CSMD1: variants seen among roughly 807,000 people sequenced by gnomAD.
CSMD1 encodes CUB and Sushi multiple domains 1, also known as CUB and sushi domain-containing protein 1.
CSMD1 carries 213 observed loss-of-function variants against 417.5 expected under a neutral mutation model. The ratio of observed to expected loss-of-function variants is 0.51; its 90% CI spans 0.46 to 0.57. The LOEUF (loss-of-function observed/expected upper bound fraction) is 0.57, where lower values mean the gene tolerates loss of function less well. CSMD1 is among the 20% of genes least tolerant of loss of function. The probability of loss-of-function intolerance (pLI) is 0.00; values close to 1 mark genes in which losing one functional copy is unlikely to be tolerated. For missense variants in CSMD1, 6,923 were observed against 4,529.7 expected (o/e 1.53, Z -15.17); for synonymous variants, 2,862 against 1,736.8 (o/e 1.65, Z -16.11).
At position 4,296,284 on chromosome 8, in the gene CSMD1, G is replaced by A. The variant is rs184291794; in HGVS notation, c.415+123669C>T. Among the ~76,000 whole-genome samples the A allele has an allele frequency of 4.6e-5, 7 of 152,154 alleles. No individual in the cohort carries two copies. In the East Asian group the frequency reaches 7.7e-4, roughly 17 times the overall value. The stretch of plus-strand genomic sequence containing the variant: ...AGCACCAGAATTCAGAAGTGCCCAA[G>A]GCAGGAAGAATTATTTCGTCCCTGT... On this transcript the variant is annotated intron_variant, in intron 3 of 69. Transcript: ENST00000635120.
At chr8:3,957,068 G>A (rs779437009) in intron 5 of CSMD1, among the ~76,000 whole-genome samples, 33 of 152,088 alleles carry the variant, frequency 2.2e-4, no homozygotes, top group Non-Finnish European at 4.1e-4. Flanking sequence ...AGACAAAAAC[G>A]CCGGGGGAGG....
Position 3,708,315 on chromosome 8 carries a change from G to A in CSMD1, c.1009+99C>T, listed in dbSNP as rs1287559079. On this transcript the variant is annotated intron_variant, in intron 7 of 69. Transcript: ENST00000635120. ...ATATAGAAAAGAAGGAAGAGATAAC[G>A]TGGGGAAGGTGGTGGGTGGGATCGC... 3.2e-5 allele frequency: 28 copies of A among 884,312 alleles called. No homozygotes were observed. In the Admixed American group the frequency reaches 4.9e-4, roughly 15 times the overall value. The allele number at this position is 884,312 out of a possible 1,614,324, so 54.8% of individuals were successfully genotyped here.
rs539223685 is a variant in CSMD1 at position 4,791,090 on chromosome 8, G to C, written c.86-153532C>G. Among the ~76,000 whole-genome samples the C allele has an allele frequency of 2.0e-5, 3 of 147,906 alleles. No homozygotes were observed. The East Asian group carries it at 5.8e-4, about 29-fold the overall frequency. ...AGACGGTGAGAGAGACGGTGAGAGA[G>C]ACGGTGAGAAGAGACGGGGAGAAGA... On this transcript the variant is annotated intron_variant, in intron 1 of 69. Transcript: ENST00000635120.
chr8:3,852,591 C>T (rs2129100796), intron 5 of CSMD1, among the ~76,000 whole-genome samples: 1 of 152,202 alleles, frequency 6.6e-6, no homozygotes, highest in Non-Finnish European at 1.5e-5. Flanking sequence ...TTACTCGTGT[C>T]AGCTATCTCA....
At chr8:3,523,446 G>C (rs998339858) in intron 10 of CSMD1, among the ~76,000 whole-genome samples, 8 of 152,156 alleles carry the variant, frequency 5.3e-5, no homozygotes, top group African/African-American at 1.9e-4. Flanking sequence ...CTGAGCCCTA[G>C]AGAGAATAAG....
chr8:3,667,019 G>T (rs1798727769), intron 7 of CSMD1, among the ~76,000 whole-genome samples: 1 of 152,082 alleles, frequency 6.6e-6, no homozygotes, highest in Non-Finnish European at 1.5e-5. Flanking sequence ...AACCCTGAAG[G>T]CGCCAAGCTA....
intron 5 of CSMD1, among the ~76,000 whole-genome samples, chr8:3,863,841 C>A (rs1355906925): frequency 6.6e-6 from 1 of 151,754 alleles, no homozygotes. Context: ...TCAGAAAAAA[C>A]AGAGTTTAAT....
intron 3 of CSMD1, among the ~76,000 whole-genome samples, chr8:4,142,830 A>T (rs909972768): frequency 2.6e-5 from 4 of 151,160 alleles, no homozygotes; most frequent in Admixed American, 2.0e-4. Flanking sequence ...GAGGAAAATG[A>T]TTTCTTAAAT....
At chr8:4,063,115 C>G (rs1283239055) in intron 3 of CSMD1, among the ~76,000 whole-genome samples, 1 of 151,978 alleles carries the variant, frequency 6.6e-6, no homozygotes, top group Admixed American at 6.6e-5. Flanking sequence ...TTGACTATAG[C>G]TAATAATTTA....
At chr8:4,483,877 CA>C (rs1585148677) in intron 2 of CSMD1, among the ~76,000 whole-genome samples, 1 of 152,056 alleles carries the variant, frequency 6.6e-6, no homozygotes, top group African/African-American at 2.4e-5. Flanking sequence ...TAGAGTAAGT[CA>C]AAAATGAACC....
chr8:4,261,882 TA>T (rs1803912687), intron 3 of CSMD1, among the ~76,000 whole-genome samples: 1 of 152,178 alleles, frequency 6.6e-6, no homozygotes, highest in South Asian at 2.1e-4. Context: ...CAAAATGTGT[TA>T]AAAAGTAGAT....
intron 3 of CSMD1, among the ~76,000 whole-genome samples, chr8:4,241,822 T>C (rs1358369354): frequency 6.6e-6 from 1 of 152,042 alleles, no homozygotes; most frequent in African/African-American, 2.4e-5. Flanking sequence ...GCCATTCTCC[T>C]GTCTCAGCCT....
At chr8:4,576,116 C>A (rs1040713466) in intron 2 of CSMD1, among the ~76,000 whole-genome samples, 2 of 152,234 alleles carry the variant, frequency 1.3e-5, no homozygotes, top group Admixed American at 6.5e-5. Context: ...CTCTTTATTG[C>A]TAGCCTATCC....
At chr8:3,193,095 G>T (rs1796513751) in intron 33 of CSMD1, among the ~76,000 whole-genome samples, 1 of 152,130 alleles carries the variant, frequency 6.6e-6, no homozygotes, top group African/African-American at 2.4e-5. Flanking sequence ...TTCAGGTATT[G>T]CATCTGTCAC....
intron 1 of CSMD1, among the ~76,000 whole-genome samples, chr8:4,679,471 A>T (rs1006149331): frequency 1.3e-5 from 2 of 152,198 alleles, no homozygotes; most frequent in Non-Finnish European, 2.9e-5. Context: ...CACTCCCTCT[A>T]TATACCTATC....
chr8:4,224,939 C>T (rs934545573), intron 3 of CSMD1, among the ~76,000 whole-genome samples: 1 of 152,016 alleles, frequency 6.6e-6, no homozygotes, highest in African/African-American at 2.4e-5. Flanking sequence ...TGTGAAACCC[C>T]ATCACTAATA....
chr8:4,927,264 G>A (rs1241733932), intron 1 of CSMD1, among the ~76,000 whole-genome samples: 1 of 151,758 alleles, frequency 6.6e-6, no homozygotes, highest in South Asian at 2.1e-4. Context: ...CACCATCTTG[G>A]CTAGGCTGGT....
chr8:4,485,936 G>A lies in CSMD1; in HGVS notation c.303-65871C>T, dbSNP rs565164051. 1.8e-3 allele frequency among the ~76,000 whole-genome samples: 267 copies of A among 151,968 alleles called. 1 individual carries two copies. Among genetic ancestry groups the A allele is most frequent in the Non-Finnish European group, 3.2e-3 (215 of 67,964 alleles). Reference sequence around the variant, plus strand: ...CCAGGAAGTTCATTTCAATTATTTTGTAGCCACAAAGTTCATCACTCTGAT... The same window carrying A: ...CCAGGAAGTTCATTTCAATTATTTTATAGCCACAAAGTTCATCACTCTGAT... On this transcript the variant is annotated intron_variant, in intron 2 of 69. Transcript: ENST00000635120.
intron 15 of CSMD1, among the ~76,000 whole-genome samples, chr8:3,405,697 C>G (rs1057486044): frequency 1.3e-5 from 2 of 152,112 alleles, no homozygotes; most frequent in Non-Finnish European, 2.9e-5. Flanking sequence ...AGGGAGAGCT[C>G]CTTTTGAGTC....
Sources: gnomAD v4.1 joint callset for allele counts (sites outside exome capture counted in the v4.1 genomes callset) on GRCh38, gnomAD v4.1.1 for gene constraint, MANE v1.5 for transcripts, NCBI Gene and HGNC (gene_info 2026-07-23, HGNC 2026-07-21) for gene names.